Variants in HEPH observed in about 807,000 individuals in gnomAD.
The protein encoded by HEPH is hephaestin.
Under a neutral mutation model 80.8 loss-of-function variants are expected in HEPH, and 69 were observed. The observed-to-expected ratio is 0.85, with a 90% CI of 0.70 to 1.04. The LOEUF (loss-of-function observed/expected upper bound fraction) is 1.04, where lower values mean the gene tolerates loss of function less well. Among genes scored for constraint, HEPH ranks in the 50% least tolerant of loss-of-function variants. HEPH has a pLI of 0.00. For missense variants in HEPH, 1,115 were observed against 891.3 expected (o/e 1.25, Z -3.20); for synonymous variants, 431 against 322.8 (o/e 1.34, Z -3.60).
At chrX:66,214,334 G>C (rs1306964685) in intron 15 of HEPH, among the ~76,000 whole-genome samples, 1 of 112,153 alleles carries the variant, frequency 8.9e-6, no homozygotes, top group African/African-American at 3.2e-5. Context: ...AAGACAATTA[G>C]CTTGTGAATT....
rs189607316 is a variant in HEPH at position 66,235,166 on chromosome X, A to G, written c.2564-19869A>G. ...TAGGTTTTCAGTTCACTCAATTGAT[A>G]GTTTCTTTCACTGTGTAGAAACTCT... On this transcript the variant is annotated intron_variant, in intron 15 of 20. Transcript: ENST00000343002. 2.7e-5 allele frequency among the ~76,000 whole-genome samples: 3 copies of G among 111,793 alleles called. No homozygotes were observed. In the East Asian group the frequency reaches 8.4e-4, roughly 31 times the overall value.
intron 15 of HEPH, among the ~76,000 whole-genome samples, chrX:66,241,729 G>T (rs754699437): frequency 4.5e-5 from 5 of 110,985 alleles, no homozygotes; most frequent in Non-Finnish European, 9.5e-5. Context: ...AAGATATTTG[G>T]GACATAAACT....
Position 66,255,131 on chromosome X carries a change from A to G in HEPH, c.2660A>G (p.Asp887Gly), listed in dbSNP as rs1263394553. The G allele has an allele frequency of 8.4e-7, 1 of 1,195,236 alleles. No individual in the cohort carries two copies. The highest frequency in any genetic ancestry group is 1.1e-6 in the Non-Finnish European group (1 of 882,586). ...TCCTGGATCTATTATTCTGCAGTGG[A>G]TCCCATCAAGGTAAATACAAGATTG... is the stretch of plus-strand genomic sequence containing the variant. ...CVSWIYYSAV[D>G]PIKDMYSGLV... Residue 887 changes from aspartate to glycine, a missense_variant, in exon 16 of 21, where the codon GAT (aspartate) becomes GGT (glycine). By Grantham distance (94) the Asp-to-Gly change is moderately conservative. Transcript: ENST00000343002.
intron 15 of HEPH, among the ~76,000 whole-genome samples, chrX:66,244,290 T>C (rs1278417027): frequency 8.9e-6 from 1 of 111,961 alleles, no homozygotes; most frequent in African/African-American, 3.2e-5. Flanking sequence ...CTCTCTCTCT[T>C]TTTCAGGGTT....
In HEPH at chrX:66,212,743, A is replaced by T. The variant is rs192549462; in HGVS notation, c.2563+4497A>T. ...TTTTAATATATTTTGAAGTCAGGTA[A>T]TGTAATGCCTCCAGTGGTTTATTTA... is the stretch of plus-strand genomic sequence containing the variant. On this transcript the variant is annotated intron_variant, in intron 15 of 20. Coordinates refer to ENST00000343002, the MANE Select transcript of HEPH (RefSeq NM_001367233.3). Among the ~76,000 whole-genome samples the T allele has an allele frequency of 1.3e-3, 150 of 111,357 alleles. 1 individual carries two copies. The highest frequency in any genetic ancestry group is 4.7e-3 in the Middle Eastern group (1 of 211).
At chrX:66,224,119 T>C (rs997958092) in intron 15 of HEPH, among the ~76,000 whole-genome samples, 16 of 109,773 alleles carry the variant, frequency 1.5e-4, no homozygotes, top group Non-Finnish European at 2.5e-4. Flanking sequence ...TAACCATTCT[T>C]TTCCAAAGTG....
chrX:66,181,851 T>G (rs1478980642), intron 4 of HEPH, among the ~76,000 whole-genome samples: 6 of 100,318 alleles, frequency 6.0e-5, no homozygotes, highest in Non-Finnish European at 1.0e-4. Flanking sequence ...TTTAAATCTT[T>G]AATCCATCTT....
At chrX:66,175,410 CA>C (rs2086758735) in intron 4 of HEPH, among the ~76,000 whole-genome samples, 1 of 111,847 alleles carries the variant, frequency 8.9e-6, no homozygotes, top group Non-Finnish European at 1.9e-5. Context: ...GGTGAAATGG[CA>C]TTATAGTATA....
chrX:66,258,829 T>G lies in HEPH; in HGVS notation c.2897-11T>G. On this transcript the variant is annotated splice_polypyrimidine_tract_variant and intron_variant, in intron 17 of 20. Transcript: ENST00000343002. ...TCTTTTCTTTTCTTTTCTTTTCTTT[T>G]TTTTTGACAGCAATCAATGGGAAAC... The G allele has an allele frequency of 6.2e-6, 7 of 1,129,778 alleles. No homozygotes were observed. Among genetic ancestry groups the G allele is most frequent in the Non-Finnish European group, 8.2e-6 (7 of 857,251 alleles). The allele number at this position is 1,129,778 out of a possible 1,213,427, so 93.1% of individuals were successfully genotyped here.
At chrX:66,225,119 C>T (rs763897381) in intron 15 of HEPH, among the ~76,000 whole-genome samples, 9 of 111,359 alleles carry the variant, frequency 8.1e-5, no homozygotes, top group South Asian at 7.6e-4. Context: ...AAACAAGGGA[C>T]CTGTCCAGGC....
chrX:66,199,071 A>G (rs781567289), intron 11 of HEPH, 43 bp downstream of exon 11: 5 of 1,146,711 alleles, frequency 4.4e-6, no homozygotes, highest in Non-Finnish European at 5.9e-6. Flanking sequence ...GAGGGTCCCA[A>G]GTAAAATCTA....
At chrX:66,174,965 G>A (rs2086740069) in intron 4 of HEPH, among the ~76,000 whole-genome samples, 1 of 111,388 alleles carries the variant, frequency 9.0e-6, no homozygotes, top group African/African-American at 3.3e-5. Flanking sequence ...CACTCTATGG[G>A]TTGTCTGTTT....
At chrX:66,227,453 G>A (rs977776335) in intron 15 of HEPH, among the ~76,000 whole-genome samples, 2 of 111,283 alleles carry the variant, frequency 1.8e-5, no homozygotes, top group Non-Finnish European at 3.8e-5. Flanking sequence ...GAAATCAAGG[G>A]CATCCAAATT....
rs745426646 is a variant in HEPH at position 66,203,535 on chromosome X, G to A, written c.2249G>A (p.Arg750Gln). The A allele has an allele frequency of 2.0e-5, 24 of 1,211,740 alleles. No individual in the cohort carries two copies. Among genetic ancestry groups the A allele is most frequent in the Middle Eastern group, 2.3e-4 (1 of 4,352 alleles). Reference protein sequence around the residue: ...EEVEWDYCPDRSWEREWHNQS... With the variant: ...EEVEWDYCPDQSWEREWHNQS... Reference sequence around the variant, plus strand: ...GTAGAGTGGGACTATTGCCCTGACCGGAGCTGGGAACGGGAATGGCACAAC... The same window carrying A: ...GTAGAGTGGGACTATTGCCCTGACCAGAGCTGGGAACGGGAATGGCACAAC... The change falls in exon 13 of 21, where the codon CGG becomes CAG. Residue 750 changes from arginine to glutamine, a missense_variant. Transcript: ENST00000343002.
chrX:66,218,775 G>A (rs191283392), intron 15 of HEPH, among the ~76,000 whole-genome samples: 44 of 111,023 alleles, frequency 4.0e-4, no homozygotes, highest in South Asian at 2.7e-3. Flanking sequence ...TGCATGCACC[G>A]GTAATTAGAA....
chrX:66,208,098 A>G lies in HEPH; in HGVS notation c.2432-17A>G. On this transcript the variant is annotated splice_polypyrimidine_tract_variant and intron_variant, in intron 14 of 20. Transcript: ENST00000343002. Reference sequence around the variant, plus strand: ...TTAATGAAACTTTATTTATTTAATTATTTTTGTTTACATTAGGTCCACTTA... The same window carrying G: ...TTAATGAAACTTTATTTATTTAATTGTTTTTGTTTACATTAGGTCCACTTA... 8 of 1,130,894 alleles carry G rather than the reference A, an allele frequency of 7.1e-6. No homozygotes were observed. The highest frequency in any genetic ancestry group is 2.0e-5 in the South Asian group (1 of 50,498). 93.2% of individuals were successfully genotyped at this position (1,130,894 alleles called of 1,213,427 possible). A position where few individuals can be genotyped will look rare whatever the true frequency, so the allele number is the denominator to read the frequency against.
chrX:66,212,504 A>T (rs1463351684), intron 15 of HEPH, among the ~76,000 whole-genome samples: 2 of 111,394 alleles, frequency 1.8e-5, no homozygotes, highest in African/African-American at 6.5e-5. Context: ...ATGGTGAGAG[A>T]TATAGGTCCA....
At chrX:66,162,935 T>C (rs2086239042), upstream of HEPH, 2 of 1,056,020 alleles carry the variant, frequency 1.9e-6, no homozygotes, top group Non-Finnish European at 2.5e-6. Flanking sequence ...TACCTGGGTC[T>C]GTTGGGTAGA....
intron 19 of HEPH, among the ~76,000 whole-genome samples, chrX:66,262,070 G>A (rs777353135): frequency 8.0e-5 from 9 of 112,431 alleles, no homozygotes; most frequent in Non-Finnish European, 1.7e-4. Flanking sequence ...ATGACAATGA[G>A]CCAGCCCATA....
Sources: gnomAD v4.1 joint callset for allele counts (sites outside exome capture counted in the v4.1 genomes callset) on GRCh38, gnomAD v4.1.1 for gene constraint, MANE v1.5 for transcripts, NCBI Gene and HGNC (gene_info 2026-07-23, HGNC 2026-07-21) for gene names.